SCAPER: variants seen among roughly 807,000 people sequenced by gnomAD.
SCAPER encodes the protein S phase cyclin A-associated protein in the endoplasmic reticulum.
SCAPER carries 98 observed loss-of-function variants against 182.2 expected under a neutral mutation model. The observed-to-expected ratio is 0.54, with a 90% confidence interval of 0.46 to 0.64. The LOEUF (loss-of-function observed/expected upper bound fraction) is 0.64. Among genes scored for constraint, SCAPER ranks in the 30% least tolerant of loss-of-function variants. SCAPER has a pLI of 0.00. For synonymous variants in SCAPER, 605 were observed against 564.6 expected (o/e 1.07, Z -1.01); for missense variants, 1,432 against 1,690.0 (o/e 0.85, Z 2.68).
At chr15:76,779,168 TAAAAG>T (rs1287825489) in intron 8 of SCAPER, among the ~76,000 whole-genome samples, 2 of 151,684 alleles carry the variant, frequency 1.3e-5, no homozygotes, top group African/African-American at 2.4e-5. Flanking sequence ...TGTATTAATA[TAAAAG>T]AAATGAATAA....
intron 5 of SCAPER, among the ~76,000 whole-genome samples, chr15:76,837,930 G>C (rs982452115): frequency 6.6e-5 from 10 of 152,156 alleles, no homozygotes; most frequent in African/African-American, 2.4e-4. Context: ...AGAGAAAAGG[G>C]AATGCTTATA....
chr15:76,590,229 A>C (rs1305061757), intron 22 of SCAPER, among the ~76,000 whole-genome samples: 1 of 152,210 alleles, frequency 6.6e-6, no homozygotes, highest in Non-Finnish European at 1.5e-5. Flanking sequence ...GTGTGACTAG[A>C]TAGAATGTTA....
intron 7 of SCAPER, among the ~76,000 whole-genome samples, chr15:76,798,359 TAA>T (rs35527740): frequency 6.3e-5 from 7 of 110,458 alleles, no homozygotes; most frequent in Admixed American, 9.5e-5. Context: ...GACTATATCT[TAA>T]AAAAAAAAAA....
chr15:76,831,231 G>C (rs1489083215), intron 5 of SCAPER, among the ~76,000 whole-genome samples: 2 of 152,094 alleles, frequency 1.3e-5, no homozygotes, highest in African/African-American at 2.4e-5. Flanking sequence ...GAGAGGGCAG[G>C]GCTGTCTTGC....
intron 29 of SCAPER, among the ~76,000 whole-genome samples, chr15:76,365,018 C>T (rs1430807574): frequency 6.6e-6 from 1 of 152,048 alleles, no homozygotes; most frequent in Non-Finnish European, 1.5e-5. Flanking sequence ...TTTCCCCCAG[C>T]CCCGAGAATG....
chr15:76,659,876 G>C (rs2055985487), intron 21 of SCAPER, among the ~76,000 whole-genome samples: 2 of 152,110 alleles, frequency 1.3e-5, no homozygotes, highest in South Asian at 4.1e-4. Context: ...ATTTGACCCA[G>C]CAATTCCATT....
chr15:76,387,136 G>T (rs1008045530), intron 27 of SCAPER, among the ~76,000 whole-genome samples: 10 of 152,208 alleles, frequency 6.6e-5, no homozygotes, highest in African/African-American at 2.4e-4. Context: ...AATTGGATGT[G>T]GGTGTGAGAA....
At chr15:76,659,570 G>A (rs952937803) in intron 21 of SCAPER, among the ~76,000 whole-genome samples, 4 of 152,244 alleles carry the variant, frequency 2.6e-5, no homozygotes, top group East Asian at 1.9e-4. Flanking sequence ...ACACCCAACC[G>A]GAACAGACAC....
At chr15:76,764,331 G>C (rs1050540040) in intron 14 of SCAPER, among the ~76,000 whole-genome samples, 2 of 152,234 alleles carry the variant, frequency 1.3e-5, no homozygotes, top group African/African-American at 4.8e-5. Flanking sequence ...GTGGCTGCCA[G>C]CAGCACCTCT....
chr15:76,373,091 A>G (rs1456501460), intron 29 of SCAPER, among the ~76,000 whole-genome samples: 1 of 140,646 alleles, frequency 7.1e-6, no homozygotes, highest in East Asian at 2.0e-4. Context: ...TCTGTCTCCC[A>G]GGCTGGAGTA....
intron 22 of SCAPER, among the ~76,000 whole-genome samples, chr15:76,594,010 G>C (rs1338054799): frequency 8.4e-6 from 1 of 119,712 alleles, no homozygotes; most frequent in African/African-American, 2.5e-5. Flanking sequence ...TCAGAAGGTG[G>C]GTAATAACAA....
At chr15:76,622,485 A>G (rs1045962446) in intron 21 of SCAPER, among the ~76,000 whole-genome samples, 11 of 152,222 alleles carry the variant, frequency 7.2e-5, no homozygotes, top group Admixed American at 7.2e-4. Context: ...TGAGGAAAAA[A>G]GCAAACTAGA....
chr15:76,383,428 G>A (rs182884072), intron 27 of SCAPER, among the ~76,000 whole-genome samples: 1 of 152,218 alleles, frequency 6.6e-6, no homozygotes, highest in Non-Finnish European at 1.5e-5. Context: ...TTCATTTCTT[G>A]AATGTGCACT....
intron 25 of SCAPER, among the ~76,000 whole-genome samples, chr15:76,440,961 G>A (rs751915955): frequency 1.8e-4 from 21 of 113,590 alleles, no homozygotes; most frequent in Middle Eastern, 0.018. Context: ...TGGCTCTGTC[G>A]CCCAGGCTGG....
At chr15:76,664,297 C>T (rs145683717) in intron 21 of SCAPER, among the ~76,000 whole-genome samples, 1 of 152,258 alleles carries the variant, frequency 6.6e-6, no homozygotes, top group African/African-American at 2.4e-5. Context: ...CAGGGGAAAG[C>T]AGTGAAGTTA....
chr15:76,523,588 G>A (rs928749275), intron 23 of SCAPER, among the ~76,000 whole-genome samples: 1 of 151,978 alleles, frequency 6.6e-6, no homozygotes, highest in African/African-American at 2.4e-5. Flanking sequence ...ACATTTTTGG[G>A]CATCCACCCA....
intron 1 of SCAPER, among the ~76,000 whole-genome samples, chr15:76,893,020 A>T (rs1324607237): frequency 2.0e-5 from 3 of 152,256 alleles, no homozygotes; most frequent in Non-Finnish European, 4.4e-5. Context: ...TGTCCTTTGC[A>T]GGTACATGGA....
At chr15:76,704,714 C>T (rs933523040) in intron 18 of SCAPER, among the ~76,000 whole-genome samples, 13 of 152,274 alleles carry the variant, frequency 8.5e-5, no homozygotes, top group Non-Finnish European at 1.6e-4. Flanking sequence ...AATCAAACAA[C>T]CCCATCAAAG....
intron 15 of SCAPER, among the ~76,000 whole-genome samples, chr15:76,744,207 AC>A (rs1327297374): frequency 2.6e-5 from 4 of 152,174 alleles, no homozygotes; most frequent in African/African-American, 9.7e-5. Context: ...CCTAGGAAAT[AC>A]CCTTCTTGAC....
Sources: gnomAD v4.1 joint callset for allele counts (sites outside exome capture counted in the v4.1 genomes callset) on GRCh38, gnomAD v4.1.1 for gene constraint, MANE v1.5 for transcripts, NCBI Gene and HGNC (gene_info 2026-07-23, HGNC 2026-07-21) for gene names.